Variants in SOCS4 observed in about 807,000 individuals in gnomAD.
SOCS4 encodes the protein SH2 domain containing SOCS box protein.
Under a neutral mutation model 34.1 loss-of-function variants are expected in SOCS4, and 20 were observed. That is an observed-to-expected ratio of 0.59 (90% CI 0.41 to 0.85). The LOEUF is 0.85. SOCS4 is among the 40% of genes least tolerant of loss of function. SOCS4 has a pLI of 0.00. For synonymous variants in SOCS4, 180 were observed against 186.4 expected (o/e 0.97, Z 0.28); for missense variants, 479 against 532.4 (o/e 0.90, Z 0.99).
At chr14:55,028,774 C>G (rs2042497921) in intron 1 of SOCS4, among the ~76,000 whole-genome samples, 1 of 152,134 alleles carries the variant, frequency 6.6e-6, no homozygotes, top group Non-Finnish European at 1.5e-5. Flanking sequence ...ATGGTAAAAG[C>G]TTGAGCCTCC....
intron 1 of SOCS4, among the ~76,000 whole-genome samples, chr14:55,029,104 T>C (rs542088133): frequency 1.3e-5 from 2 of 152,326 alleles, no homozygotes; most frequent in East Asian, 1.9e-4. Context: ...CACAATTCCA[T>C]TTGTTTCAGT....
chr14:55,043,166 A>T lies in SOCS4; in HGVS notation c.125A>T (p.Lys42Met). 1 of 1,614,262 alleles carries T rather than the reference A, an allele frequency of 6.2e-7. No homozygotes were observed. Among genetic ancestry groups the T allele is most frequent in the Non-Finnish European group, 8.5e-7 (1 of 1,180,040 alleles). ...WSGKKLSWSK[K>M]SESYSDAETV... ...GGAAAGAAGTTATCTTGGTCAAAAAAGAGTGAGAGTTATTCAGATGCTGAG... is the reference window on the plus strand; with the variant it reads ...GGAAAGAAGTTATCTTGGTCAAAAATGAGTGAGAGTTATTCAGATGCTGAG... Residue 42 changes from lysine to methionine, a missense_variant, in exon 3 of 3, where the codon AAG becomes ATG. Physicochemically the swap from Lys to Met is moderately conservative, Grantham distance 95. Transcript: ENST00000555846.
Position 55,044,460 on chromosome 14 carries a change from T to A in SOCS4, c.*96T>A. ...ACTTTGGATTTTTCTACAAAGGCAGTGGTGTCCAAAATAAAATCTCTGCCC... is the reference window on the plus strand; with the variant it reads ...ACTTTGGATTTTTCTACAAAGGCAGAGGTGTCCAAAATAAAATCTCTGCCC... On this transcript the variant is annotated 3_prime_UTR_variant, in exon 3 of 3. Transcript: ENST00000555846. 1 of 938,884 alleles carries A rather than the reference T, an allele frequency of 1.1e-6. No individual in the cohort carries two copies. Among genetic ancestry groups the A allele is most frequent in the Non-Finnish European group, 1.4e-6 (1 of 700,588 alleles). The allele number at this position is 938,884 out of a possible 1,614,324, so 58.2% of individuals were successfully genotyped here.
intron 2 of SOCS4, among the ~76,000 whole-genome samples, chr14:55,037,238 G>A (rs1265021605): frequency 1.3e-5 from 2 of 151,374 alleles, no homozygotes; most frequent in Non-Finnish European, 2.9e-5. Context: ...TCCACCACCC[G>A]GGTTCAAGCA....
chr14:55,041,783 C>CTTTTTTTGTTTTTTTTTTTTTTT (rs2042620776), intron 2 of SOCS4, among the ~76,000 whole-genome samples: 1 of 40,052 alleles, frequency 2.5e-5, no homozygotes, highest in Non-Finnish European at 4.8e-5. Flanking sequence ...AACCCTTAAT[C>CTTTTTTTGTTTTTTTTTTTTTTT]TTTTTTTTTT....
At chr14:55,030,119 C>A (rs1351259745) in intron 1 of SOCS4, among the ~76,000 whole-genome samples, 2 of 152,028 alleles carry the variant, frequency 1.3e-5, no homozygotes, top group Non-Finnish European at 2.9e-5. Flanking sequence ...TAGTCTACCG[C>A]ACTGATTCTC....
intron 1 of SOCS4, among the ~76,000 whole-genome samples, chr14:55,031,612 G>A (rs2042529606): frequency 6.6e-6 from 1 of 152,110 alleles, no homozygotes; most frequent in African/African-American, 2.4e-5. Context: ...CTATAATTAG[G>A]AAAGCATGGA....
chr14:55,040,648 G>T (rs1215783866), intron 2 of SOCS4, among the ~76,000 whole-genome samples: 2 of 151,926 alleles, frequency 1.3e-5, no homozygotes, highest in Non-Finnish European at 2.9e-5. Context: ...GGAGGCTGAG[G>T]CAGGAGAATG....
rs539113611 is a variant in SOCS4, at chr14:55,041,472, C to T, written c.-90-1480C>T. 1.3e-4 allele frequency among the ~76,000 whole-genome samples: 20 copies of T among 151,474 alleles called. No homozygotes were observed. In the South Asian group the frequency reaches 4.0e-3, roughly 30 times the overall value. On this transcript the variant is annotated intron_variant, in intron 2 of 2. Transcript: ENST00000555846. ...TAGGACCCCTTCCCCAAGTTCCTGG[C>T]GTAAATCTTTTTTTTTTTTCCTCCA...
intron 2 of SOCS4, among the ~76,000 whole-genome samples, chr14:55,040,820 A>G (rs2042611371): frequency 6.6e-6 from 1 of 151,866 alleles, no homozygotes; most frequent in Non-Finnish European, 1.5e-5. Context: ...TTCAATCTAC[A>G]ATTGGTTGAA....
intron 2 of SOCS4, among the ~76,000 whole-genome samples, chr14:55,032,762 CTTA>C (rs1276233867): frequency 2.8e-5 from 3 of 107,826 alleles, no homozygotes. Context: ...GTAAAGCCAC[CTTA>C]TTATTATTCT....
In SOCS4 at chr14:55,046,780, T is replaced by C. The variant is rs954555424; in HGVS notation, c.*2416T>C. ...CTACAGTGAAAAGAAGTTTGGAAAG[T>C]AGATACATAAAGACTTGAGAAGGGA... On this transcript the variant is annotated 3_prime_UTR_variant, in exon 3 of 3. Transcript: ENST00000555846. The C allele has an allele frequency of 2.6e-4, 43 of 167,074 alleles. No homozygotes were observed. Among genetic ancestry groups the C allele is most frequent in the African/African-American group, 7.7e-4 (32 of 41,546 alleles). 10.3% of individuals were successfully genotyped at this position (167,074 alleles called of 1,614,324 possible). A position where few individuals can be genotyped will look rare whatever the true frequency, so the allele number is the denominator to read the frequency against.
At chr14:55,029,986 G>A (rs2042513914) in intron 1 of SOCS4, among the ~76,000 whole-genome samples, 1 of 152,112 alleles carries the variant, frequency 6.6e-6, no homozygotes, top group South Asian at 2.1e-4. Context: ...AGCAAGATGA[G>A]ATAATCAGTG....
chr14:55,030,318 A>T (rs2042517605), intron 1 of SOCS4, among the ~76,000 whole-genome samples: 1 of 152,160 alleles, frequency 6.6e-6, no homozygotes, highest in Non-Finnish European at 1.5e-5. Flanking sequence ...AAATCTATTT[A>T]CTAAGCTTCT....
At position 55,043,447 on chromosome 14, in the gene SOCS4, C is replaced by T. The variant is rs1478796019; in HGVS notation, c.406C>T (p.Pro136Ser). 6.2e-7 allele frequency: 1 copy of T among 1,614,180 alleles called. No individual in the cohort carries two copies. Reference sequence around the variant, plus strand: ...CATGTTAGATAAGTGTCCTTTCCCACCTCGATCAGATTTAGCCTTTAGGTG... The same window carrying T: ...CATGTTAGATAAGTGTCCTTTCCCATCTCGATCAGATTTAGCCTTTAGGTG... ...ELMLDKCPFPPRSDLAFRWHF... is the reference protein window; with the variant it reads ...ELMLDKCPFPSRSDLAFRWHF... Residue 136 changes from proline to serine, a missense_variant, in exon 3 of 3, where the codon CCT becomes TCT. Pro to Ser is a moderately conservative substitution (Grantham distance 74). Transcript: ENST00000555846.
In SOCS4 at chr14:55,043,323, AC is replaced by A; in HGVS notation, c.283del (p.Leu95CysfsTer11). ...TTTTAGGCCGATCTCTTAAACAGAA[AC>A]TGCAAGATGCCGTGGGGCAGTGTTT... ...RFLGRSLKQK[L>X]QDAVGQCFPI... On this transcript the variant is annotated frameshift_variant, in exon 3 of 3. Coordinates refer to ENST00000555846, the MANE Select transcript of SOCS4 (RefSeq NM_199421.2). LOFTEE classifies it high-confidence loss of function. The A allele has an allele frequency of 1.2e-6, 2 of 1,614,230 alleles. No homozygotes were observed.
Position 55,043,601 on chromosome 14 carries a change from G to A in SOCS4, c.560G>A (p.Cys187Tyr), listed in dbSNP as rs372712488. 1 of 1,614,000 alleles carries A rather than the reference G, an allele frequency of 6.2e-7. No individual in the cohort carries two copies. Among genetic ancestry groups the A allele is most frequent in the Non-Finnish European group, 8.5e-7 (1 of 1,180,020 alleles). The change falls in exon 3 of 3, where the codon TGT becomes TAT. Residue 187 changes from cysteine (C) to tyrosine (Y), a missense_variant. By Grantham distance (194) the Cys-to-Tyr change is radical. Coordinates refer to ENST00000555846, the MANE Select transcript of SOCS4 (RefSeq NM_199421.2). Reference protein sequence around the residue: ...KRRNMEENINCFSHTNVQPCV... With the variant: ...KRRNMEENINYFSHTNVQPCV... ...AGAAATATGGAAGAAAATATAAACTGTTTCTCACATACCAATGTTCAGCCC... is the reference window on the plus strand; with the variant it reads ...AGAAATATGGAAGAAAATATAAACTATTTCTCACATACCAATGTTCAGCCC...
Position 55,034,355 on chromosome 14 carries a change from C to A in SOCS4, c.-91+2364C>A, listed in dbSNP as rs2042554031. 2.0e-5 allele frequency among the ~76,000 whole-genome samples: 3 copies of A among 152,086 alleles called. No homozygotes were observed. In the South Asian group the frequency reaches 6.2e-4, roughly 31 times the overall value. On this transcript the variant is annotated intron_variant, in intron 2 of 2. Coordinates refer to ENST00000555846, the MANE Select transcript of SOCS4 (RefSeq NM_199421.2). ...AGACAAATATAAATAGAAAAATTTT[C>A]TTCCAACTTTGAAGACTAAAATATC...
At chr14:55,031,656 G>A (rs1432082742) in intron 1 of SOCS4, among the ~76,000 whole-genome samples, 1 of 152,164 alleles carries the variant, frequency 6.6e-6, no homozygotes, top group East Asian at 1.9e-4. Context: ...AGGGTGTAGT[G>A]CTACTAAATC....
Sources: gnomAD v4.1 joint callset for allele counts (sites outside exome capture counted in the v4.1 genomes callset) on GRCh38, gnomAD v4.1.1 for gene constraint, MANE v1.5 for transcripts, NCBI Gene and HGNC (gene_info 2026-07-23, HGNC 2026-07-21) for gene names.